The following EYS variants were observed in gnomAD, a reference collection of about 807,000 sequenced individuals.
EYS encodes protein eyes shut homolog.
In EYS, 250 loss-of-function variants were observed where a neutral mutation model predicts 282.1. That is an observed-to-expected ratio of 0.89 (90% confidence interval 0.80 to 0.98). EYS has a LOEUF of 0.98. Among genes scored for constraint, EYS ranks in the 50% least tolerant of loss-of-function variants. The pLI, the probability that EYS is intolerant of heterozygous loss-of-function variation, is 0.00. For synonymous variants in EYS, 1,355 were observed against 1,282.9 expected, an observed-to-expected ratio of 1.06 and a Z score of -1.20; for missense variants, 4,016 against 3,709.0, an observed-to-expected ratio of 1.08 and a Z score of -2.15.
chr6:64,810,443 C>T (rs1764559231), intron 22 of EYS, among the ~76,000 whole-genome samples: 1 of 151,914 alleles, frequency 6.6e-6, no homozygotes, highest in Non-Finnish European at 1.5e-5. Context: ...ATATCATCCT[C>T]AGTCAAAGAT....
chr6:65,471,061 C>A (rs760490620), intron 5 of EYS, among the ~76,000 whole-genome samples: 24 of 151,684 alleles, frequency 1.6e-4, no homozygotes, highest in Admixed American at 2.6e-4. Context: ...CGCTTGAACC[C>A]AGGAGGCAGA....
Position 64,031,002 on chromosome 6 carries a change from C to T in EYS, c.6726-31819G>A, listed in dbSNP as rs114598759. On this transcript the variant is annotated intron_variant, in intron 33 of 42. Coordinates refer to ENST00000503581, the MANE Select transcript of EYS (RefSeq NM_001142800.2). ...GTTTAGAGGGGGGATTGAGAGGTGACGGCGTGTGCCCTCACTTGCTCTTGG... is the reference window on the plus strand; with the variant it reads ...GTTTAGAGGGGGGATTGAGAGGTGATGGCGTGTGCCCTCACTTGCTCTTGG... Among the ~76,000 whole-genome samples, 628 of 152,322 alleles carry T rather than the reference C, an allele frequency of 4.1e-3. 1 individual carries two copies. The highest frequency in any genetic ancestry group is 5.5e-3 in the Non-Finnish European group (376 of 68,026).
chr6:64,707,128 C>G (rs1168662047), intron 22 of EYS, among the ~76,000 whole-genome samples: 1 of 103,566 alleles, frequency 9.7e-6, no homozygotes, highest in Non-Finnish European at 2.2e-5. Context: ...CACACACACA[C>G]ACATATATAT....
At chr6:64,560,001 A>G (rs1478352123) in intron 26 of EYS, among the ~76,000 whole-genome samples, 1 of 152,136 alleles carries the variant, frequency 6.6e-6, no homozygotes, top group Non-Finnish European at 1.5e-5. Flanking sequence ...TATAAGTGAG[A>G]ACATTCACGT....
At chr6:64,714,516 C>CTTTTTTTTTT (rs55730437) in intron 22 of EYS, among the ~76,000 whole-genome samples, 1 of 127,916 alleles carries the variant, frequency 7.8e-6, no homozygotes, top group African/African-American at 3.0e-5. Context: ...TTCTTTCTTT[C>CTTTTTTTTTT]TTTTTTTTTT....
rs377191274 is a variant in EYS, at chr6:64,719,614, GTCTT to G, written c.3444-93373_3444-93370del. ...TGCCTCACAAATGTGTTTTGGGCCA[GTCTT>G]TCTTTATATGTCGCTAAACTTTGTT... On this transcript the variant is annotated intron_variant, in intron 22 of 42. Transcript: ENST00000503581. 9.1e-3 allele frequency among the ~76,000 whole-genome samples: 1,391 copies of G among 152,276 alleles called. 27 individuals carry two copies. The highest frequency in any genetic ancestry group is 0.032 in the African/African-American group (1,309 of 41,552).
intron 36 of EYS, among the ~76,000 whole-genome samples, chr6:63,840,511 T>C (rs1224786813): frequency 6.6e-6 from 1 of 152,168 alleles, no homozygotes; most frequent in Non-Finnish European, 1.5e-5. Flanking sequence ...TGATTTTTTT[T>C]CCTTTGCGGT....
chr6:64,556,338 A>C (rs1434444549), intron 26 of EYS, among the ~76,000 whole-genome samples: 1 of 152,002 alleles, frequency 6.6e-6, no homozygotes, highest in Non-Finnish European at 1.5e-5. Flanking sequence ...AGTAAAGATA[A>C]TTCTCAGAAG....
chr6:64,588,792 T>C (rs951179810), intron 26 of EYS, among the ~76,000 whole-genome samples: 1 of 151,964 alleles, frequency 6.6e-6, no homozygotes, highest in East Asian at 1.9e-4. Flanking sequence ...TATTGGAAAA[T>C]GTCAACAAAT....
chr6:64,094,412 A>C (rs915175457), intron 31 of EYS, among the ~76,000 whole-genome samples: 1 of 152,016 alleles, frequency 6.6e-6, no homozygotes, highest in African/African-American at 2.4e-5. Context: ...GTAAGCTATT[A>C]ATTATTGCCT....
intron 22 of EYS, among the ~76,000 whole-genome samples, chr6:64,679,560 A>G (rs1769825331): frequency 6.6e-6 from 1 of 152,082 alleles, no homozygotes; most frequent in South Asian, 2.1e-4. Context: ...TGGAAGTGGA[A>G]CTATGAGTCA....
At chr6:64,191,797 A>G (rs1277369832) in intron 31 of EYS, among the ~76,000 whole-genome samples, 3 of 151,644 alleles carry the variant, frequency 2.0e-5, no homozygotes, top group Non-Finnish European at 4.4e-5. Context: ...ATACGTGTGC[A>G]TGTGTCTTTA....
intron 12 of EYS, among the ~76,000 whole-genome samples, chr6:65,161,593 C>A (rs1322544808): frequency 1.3e-5 from 2 of 150,994 alleles, no homozygotes; most frequent in Non-Finnish European, 3.0e-5. Flanking sequence ...AAAGATAAAG[C>A]ATTTGATTCA....
intron 22 of EYS, among the ~76,000 whole-genome samples, chr6:64,678,724 C>T (rs1194498820): frequency 6.6e-6 from 1 of 152,130 alleles, no homozygotes; most frequent in Non-Finnish European, 1.5e-5. Flanking sequence ...GTGGCTCTCG[C>T]CTGTCATCCC....
At chr6:64,932,459 C>CT (rs1397018409) in intron 15 of EYS, among the ~76,000 whole-genome samples, 3 of 151,946 alleles carry the variant, frequency 2.0e-5, no homozygotes, top group Non-Finnish European at 4.4e-5. Flanking sequence ...GGCAATAATT[C>CT]CAGTTGAGGG....
intron 33 of EYS, among the ~76,000 whole-genome samples, chr6:64,019,826 A>ATG (rs766069969): frequency 5.1e-5 from 7 of 136,676 alleles, no homozygotes; most frequent in African/African-American, 1.7e-4. Flanking sequence ...ATATATAAGT[A>ATG]TATATATATA....
intron 30 of EYS, among the ~76,000 whole-genome samples, chr6:64,266,893 A>G (rs146884636): frequency 3.9e-5 from 6 of 152,318 alleles, no homozygotes; most frequent in African/African-American, 1.4e-4. Context: ...ACATAAAGCC[A>G]CTGCAAATAG....
chr6:64,487,277 G>A (rs1776604802), intron 26 of EYS, among the ~76,000 whole-genome samples: 1 of 151,062 alleles, frequency 6.6e-6, no homozygotes, highest in Non-Finnish European at 1.5e-5. Flanking sequence ...TTGCCAAAAT[G>A]TTTGTTAATG....
chr6:65,644,277 G>A (rs193048643), intron 1 of EYS, among the ~76,000 whole-genome samples: 15 of 152,242 alleles, frequency 9.9e-5, no homozygotes, highest in African/African-American at 3.4e-4. Flanking sequence ...AAAGTGTACT[G>A]GAAAGTCTCA....
Sources: gnomAD v4.1 joint callset for allele counts (sites outside exome capture counted in the v4.1 genomes callset) on GRCh38, gnomAD v4.1.1 for gene constraint, MANE v1.5 for transcripts, NCBI Gene and HGNC (gene_info 2026-07-23, HGNC 2026-07-21) for gene names.